KCNAB1: variants seen among roughly 807,000 people sequenced by gnomAD.
The protein encoded by KCNAB1 is voltage-gated potassium channel subunit beta-1.
KCNAB1 carries 35 observed loss-of-function variants against 64.6 expected under a neutral mutation model. The observed-to-expected ratio is 0.54, with a 90% CI of 0.41 to 0.72. KCNAB1 has a LOEUF of 0.72. KCNAB1 is among the 30% of genes least tolerant of loss of function. KCNAB1 has a pLI of 0.00. For missense variants in KCNAB1, 401 were observed against 512.9 expected (o/e 0.78, Z 2.11); for synonymous variants, 177 against 183.8 (o/e 0.96, Z 0.30).
intron 1 of KCNAB1, among the ~76,000 whole-genome samples, chr3:156,387,657 G>A (rs11926292): frequency 0.31 from 47,062 of 151,952 alleles, 9,674 homozygotes; most frequent in African/African-American, 0.59. Context: ...GTATTCACCA[G>A]TGTAAGTAGA....
chr3:156,441,572 T>C (rs1006263351), intron 2 of KCNAB1: 5 of 152,180 alleles, frequency 3.3e-5, no homozygotes, highest in South Asian at 2.1e-4. Flanking sequence ...GAAGAAGATA[T>C]TGAAAATATT....
At chr3:156,468,243 T>A (rs1205782437) in intron 7 of KCNAB1, among the ~76,000 whole-genome samples, 2 of 152,174 alleles carry the variant, frequency 1.3e-5, no homozygotes, top group African/African-American at 4.8e-5. Context: ...AAAAATAGTT[T>A]CAGTATTCAA....
At chr3:156,527,371 T>C (rs1480038000) in intron 12 of KCNAB1, among the ~76,000 whole-genome samples, 4 of 152,220 alleles carry the variant, frequency 2.6e-5, no homozygotes, top group Admixed American at 2.6e-4. Context: ...CTAATAAAGA[T>C]GATAATGTTC....
chr3:156,153,674 C>T (rs1004521605), intron 1 of KCNAB1, among the ~76,000 whole-genome samples: 3 of 152,234 alleles, frequency 2.0e-5, no homozygotes, highest in Non-Finnish European at 4.4e-5. Context: ...GGTATTCCTT[C>T]TGCCTGATTG....
intron 1 of KCNAB1, among the ~76,000 whole-genome samples, chr3:156,205,270 T>A (rs1342902892): frequency 6.6e-6 from 1 of 152,218 alleles, no homozygotes; most frequent in Non-Finnish European, 1.5e-5. Flanking sequence ...AAAAAAACAT[T>A]TAAACATCCA....
chr3:156,365,549 A>G (rs969802325), intron 1 of KCNAB1, among the ~76,000 whole-genome samples: 2 of 152,098 alleles, frequency 1.3e-5, no homozygotes, highest in Non-Finnish European at 2.9e-5. Context: ...AGTATTTTTC[A>G]CAGTTGTAAT....
In KCNAB1 at chr3:156,452,010, C is replaced by T. The variant is rs566605322; in HGVS notation, c.320-889C>T. On this transcript the variant is annotated intron_variant, in intron 2 of 13. Coordinates refer to ENST00000490337, the MANE Select transcript of KCNAB1 (RefSeq NM_172160.3). This position sits in a 1 kb window ranked among gnomAD's most constrained non-coding sequence, Gnocchi z 4.6. The stretch of plus-strand genomic sequence containing the variant: ...TGGTCTTATAAACCGTGAGCTCCTG[C>T]GAGACAGGAACTGGGCCAATCATCT... Among the ~76,000 whole-genome samples the T allele has an allele frequency of 2.0e-5, 3 of 152,150 alleles. No individual in the cohort carries two copies. The highest frequency in any genetic ancestry group is 2.9e-5 in the Non-Finnish European group (2 of 68,030).
At chr3:156,222,186 C>T (rs1276633044) in intron 1 of KCNAB1, among the ~76,000 whole-genome samples, 2 of 152,114 alleles carry the variant, frequency 1.3e-5, no homozygotes, top group African/African-American at 4.8e-5. Flanking sequence ...GTAGACTCAC[C>T]TAACATATGA....
At position 156,518,431 on chromosome 3, in the gene KCNAB1, A is replaced by G. The variant is rs531549666; in HGVS notation, c.960+2067A>G. Reference sequence around the variant, plus strand: ...AGGCAAGTATCAGAGCAACCTTTGGAGTGAATGAGGATGCCATGAAAGAGA... The same window carrying G: ...AGGCAAGTATCAGAGCAACCTTTGGGGTGAATGAGGATGCCATGAAAGAGA... On this transcript the variant is annotated intron_variant, in intron 11 of 13. Transcript: ENST00000490337. Among the ~76,000 whole-genome samples, 3 of 147,202 alleles carry G rather than the reference A, an allele frequency of 2.0e-5. No homozygotes were observed. The East Asian group carries it at 5.8e-4, about 28-fold the overall frequency.
intron 7 of KCNAB1, among the ~76,000 whole-genome samples, chr3:156,467,968 G>T: frequency 6.6e-6 from 1 of 151,906 alleles, no homozygotes; most frequent in East Asian, 1.9e-4. Flanking sequence ...TCTTCATGTT[G>T]TCAGGCTATT....
At chr3:156,380,786 A>C (rs1424263577) in intron 1 of KCNAB1, among the ~76,000 whole-genome samples, 1 of 152,210 alleles carries the variant, frequency 6.6e-6, no homozygotes, top group Non-Finnish European at 1.5e-5. Flanking sequence ...GAATTACATA[A>C]GATGCTAAAG....
intron 1 of KCNAB1, among the ~76,000 whole-genome samples, chr3:156,249,066 C>G (rs868307760): frequency 1.3e-5 from 2 of 150,612 alleles, no homozygotes; most frequent in Non-Finnish European, 1.5e-5. Flanking sequence ...TATTTTTTAG[C>G]AAGTACTCAG....
intron 1 of KCNAB1, among the ~76,000 whole-genome samples, chr3:156,292,999 A>G (rs1402593374): frequency 1.3e-5 from 2 of 152,358 alleles, no homozygotes; most frequent in Non-Finnish European, 2.9e-5. Context: ...CTTGTGAAAT[A>G]TGGAGAAAAT....
rs190009010 is a variant in KCNAB1, at chr3:156,131,293, T to C, written c.275+10407T>C. On this transcript the variant is annotated intron_variant, in intron 1 of 13. Transcript: ENST00000490337. The stretch of plus-strand genomic sequence containing the variant: ...CTTTCCCCAACAGCCTCCCCAGGTA[T>C]GTGAAATGTCGTCAGATGTCAGTTT... Among the ~76,000 whole-genome samples, 183 of 152,340 alleles carry C rather than the reference T, an allele frequency of 1.2e-3. 1 individual carries two copies. Among genetic ancestry groups the C allele is most frequent in the Admixed American group, 0.01 (154 of 15,294 alleles).
chr3:156,180,569 C>CTT (rs556797657), intron 1 of KCNAB1, among the ~76,000 whole-genome samples: 3 of 151,234 alleles, frequency 2.0e-5, no homozygotes, highest in African/African-American at 4.9e-5. Context: ...CCATTTTCTA[C>CTT]TTTTTTTTTA....
At chr3:156,290,329 A>C (rs772994033) in intron 1 of KCNAB1, among the ~76,000 whole-genome samples, 6 of 152,148 alleles carry the variant, frequency 3.9e-5, no homozygotes, top group African/African-American at 7.2e-5. Context: ...GTATTCAGAA[A>C]TATTGTTGCG....
chr3:156,435,613 C>G (rs1452318731), intron 2 of KCNAB1, among the ~76,000 whole-genome samples: 1 of 152,106 alleles, frequency 6.6e-6, no homozygotes, highest in Non-Finnish European at 1.5e-5. Context: ...ATCTAGCCAC[C>G]CTGACCCTCC....
intron 13 of KCNAB1, among the ~76,000 whole-genome samples, chr3:156,534,237 G>A (rs191034014): frequency 3.9e-5 from 6 of 152,282 alleles, no homozygotes; most frequent in Non-Finnish European, 7.4e-5. Flanking sequence ...ACCAGCAGTT[G>A]TAAGAAAATA....
intron 1 of KCNAB1, among the ~76,000 whole-genome samples, chr3:156,131,133 G>A (rs1713971534): frequency 6.6e-6 from 1 of 152,214 alleles, no homozygotes; most frequent in African/African-American, 2.4e-5. Context: ...GGTTGTCACT[G>A]AATGGCATGT....
Sources: allele counts gnomAD v4.1 joint callset (sites outside exome capture counted in the v4.1 genomes callset), GRCh38; gene constraint gnomAD v4.1.1; non-coding constraint Gnocchi (gnomAD v3.1); transcripts MANE v1.5; gene names NCBI Gene and HGNC (gene_info 2026-07-23, HGNC 2026-07-21).